Variants in ELMO1 observed in about 807,000 individuals in gnomAD.
ELMO1 encodes engulfment and cell motility 1.
In ELMO1, 26 loss-of-function variants were observed where a neutral mutation model predicts 98.9. The observed-to-expected ratio is 0.26, with a 90% confidence interval of 0.19 to 0.36. The LOEUF (loss-of-function observed/expected upper bound fraction) is 0.36, where lower values mean the gene tolerates loss of function less well. ELMO1 is among the 10% of genes least tolerant of loss of function. ELMO1 has a pLI of 1.00. For synonymous variants in ELMO1, 346 were observed against 346.0 expected, an observed-to-expected ratio of 1.00 and a Z score of 0.00; for missense variants, 627 against 935.2, an observed-to-expected ratio of 0.67 and a Z score of 4.30.
chr7:37,076,188 T>C (rs927143339), intron 15 of ELMO1, among the ~76,000 whole-genome samples: 1 of 152,254 alleles, frequency 6.6e-6, no homozygotes, highest in Non-Finnish European at 1.5e-5. Flanking sequence ...TGAGTCACTA[T>C]TCTCAATTAC....
At chr7:37,402,120 T>C (rs1205463868) in intron 1 of ELMO1, among the ~76,000 whole-genome samples, 1 of 152,194 alleles carries the variant, frequency 6.6e-6, no homozygotes, top group African/African-American at 2.4e-5. Flanking sequence ...CTATTGTCAA[T>C]CTGTCTTTTG....
chr7:37,240,286 G>T (rs1794694985), intron 7 of ELMO1, among the ~76,000 whole-genome samples: 1 of 151,874 alleles, frequency 6.6e-6, no homozygotes, highest in African/African-American at 2.4e-5. Flanking sequence ...TGATCCACCT[G>T]CCTTGGCCTC....
intron 16 of ELMO1, among the ~76,000 whole-genome samples, chr7:36,929,556 T>C (rs1298680189): frequency 6.6e-6 from 1 of 152,222 alleles, no homozygotes; most frequent in Non-Finnish European, 1.5e-5. Flanking sequence ...TTATTAAGCA[T>C]GCTTTATGGT....
intron 15 of ELMO1, chr7:37,033,262 T>C: frequency 2.5e-6 from 1 of 402,030 alleles, no homozygotes; most frequent in Non-Finnish European, 5.0e-6. Flanking sequence ...AAGTCCAAAT[T>C]GTTCCCCCTT....
chr7:37,098,079 C>G (rs188567469), intron 14 of ELMO1, among the ~76,000 whole-genome samples: 2 of 152,182 alleles, frequency 1.3e-5, no homozygotes, highest in Admixed American at 6.5e-5. Context: ...AAACTCATCC[C>G]CAGTAAGAGT....
chr7:37,184,829 G>A (rs868581756), intron 13 of ELMO1, among the ~76,000 whole-genome samples: 1 of 151,974 alleles, frequency 6.6e-6, no homozygotes, highest in Non-Finnish European at 1.5e-5. Context: ...ACCCCAGGAA[G>A]GTGAGTCTGC....
intron 16 of ELMO1, among the ~76,000 whole-genome samples, chr7:36,975,953 ATCTCT>A (rs1790504940): frequency 6.6e-6 from 1 of 152,218 alleles, no homozygotes; most frequent in African/African-American, 2.4e-5. Context: ...TACACGAATA[ATCTCT>A]TCTCGAATAG....
intron 1 of ELMO1, among the ~76,000 whole-genome samples, chr7:37,345,882 G>A (rs377147380): frequency 1.3e-4 from 19 of 142,992 alleles, no homozygotes; most frequent in African/African-American, 5.1e-4. Context: ...CCAGCTACTC[G>A]GGAGGCTGAG....
In ELMO1 at chr7:36,854,292, C is replaced by T. The variant is rs1233326471; in HGVS notation, c.*1259G>A. 6.6e-6 allele frequency: 1 copy of T among 152,164 alleles called. No individual in the cohort carries two copies. Among genetic ancestry groups the T allele is most frequent in the Non-Finnish European group, 1.5e-5 (1 of 68,032 alleles). 9.4% of individuals were successfully genotyped at this position (152,164 alleles called of 1,614,324 possible). ...CTGAAGAGCTGGCATCTCCAACAAG[C>T]TCCCAGGTGATGCTGATGACTGAGT... On this transcript the variant is annotated 3_prime_UTR_variant, in exon 22 of 22. Coordinates refer to ENST00000310758, the MANE Select transcript of ELMO1 (RefSeq NM_014800.11).
chr7:36,883,815 G>C (rs1020525726), intron 18 of ELMO1, among the ~76,000 whole-genome samples: 1 of 152,132 alleles, frequency 6.6e-6, no homozygotes, highest in Non-Finnish European at 1.5e-5. Context: ...TGCGAGAATG[G>C]ACTAATACAG....
chr7:37,209,307 C>CCT (rs893747036), intron 13 of ELMO1, among the ~76,000 whole-genome samples: 40 of 152,244 alleles, frequency 2.6e-4, no homozygotes, highest in African/African-American at 9.6e-4. Flanking sequence ...TGGCCCCCAA[C>CCT]CTCTCTCTCT....
chr7:37,395,191 C>G (rs1803241454), intron 1 of ELMO1, among the ~76,000 whole-genome samples: 1 of 151,954 alleles, frequency 6.6e-6, no homozygotes, highest in South Asian at 2.1e-4. Flanking sequence ...CATGGAGAAA[C>G]CCCGTCTCTA....
intron 6 of ELMO1, among the ~76,000 whole-genome samples, chr7:37,248,654 T>C (rs1584869737): frequency 1.3e-5 from 2 of 152,246 alleles, no homozygotes; most frequent in Admixed American, 1.3e-4. Flanking sequence ...ACAGCTGGGG[T>C]TGACTGCAGA....
chr7:37,259,726 A>C (rs977964355), intron 5 of ELMO1, among the ~76,000 whole-genome samples: 6 of 152,184 alleles, frequency 3.9e-5, no homozygotes, highest in African/African-American at 1.4e-4. Flanking sequence ...AAGCAACTGA[A>C]AGCTATTTGC....
At chr7:37,318,373 T>G (rs933682197) in intron 2 of ELMO1, among the ~76,000 whole-genome samples, 1 of 152,114 alleles carries the variant, frequency 6.6e-6, no homozygotes, top group Non-Finnish European at 1.5e-5. Context: ...CGGAGCCAGG[T>G]TTTAGTCTTA....
chr7:37,279,529 T>C (rs1584910759), intron 4 of ELMO1, among the ~76,000 whole-genome samples: 1 of 152,038 alleles, frequency 6.6e-6, no homozygotes, highest in South Asian at 2.1e-4. Context: ...ACTGTGGAAG[T>C]AGGAAAGGGA....
intron 13 of ELMO1, among the ~76,000 whole-genome samples, chr7:37,141,405 T>C (rs994686297): frequency 3.9e-5 from 6 of 152,082 alleles, no homozygotes; most frequent in Admixed American, 3.3e-4. Flanking sequence ...AGACTACACA[T>C]TGGGTACAGT....
intron 1 of ELMO1, among the ~76,000 whole-genome samples, chr7:37,433,288 T>A (rs1329255098): frequency 6.6e-6 from 1 of 152,236 alleles, no homozygotes; most frequent in Non-Finnish European, 1.5e-5. Context: ...TCTTATGGGC[T>A]CAGCCTGGGA....
intron 14 of ELMO1, among the ~76,000 whole-genome samples, chr7:37,103,138 G>T (rs1784729900): frequency 6.6e-6 from 1 of 152,196 alleles, no homozygotes; most frequent in South Asian, 2.1e-4. Context: ...ACTTGATGGA[G>T]ACAACTGATA....
Sources: gnomAD v4.1 joint callset for allele counts (sites outside exome capture counted in the v4.1 genomes callset) on GRCh38, gnomAD v4.1.1 for gene constraint, MANE v1.5 for transcripts, NCBI Gene and HGNC (gene_info 2026-07-23, HGNC 2026-07-21) for gene names.